STX2: variants seen among roughly 807,000 people sequenced by gnomAD.
The protein encoded by STX2 is syntaxin 2.
Under a neutral mutation model 40.6 loss-of-function variants are expected in STX2, and 27 were observed. That is an observed-to-expected ratio of 0.66 (90% confidence interval 0.49 to 0.92). The LOEUF is 0.92. STX2 is among the 40% of genes least tolerant of loss of function. The pLI is 0.00. For synonymous variants in STX2, 123 were observed against 119.1 expected, an observed-to-expected ratio of 1.03 and a Z score of -0.22; for missense variants, 328 against 366.1, an observed-to-expected ratio of 0.90 and a Z score of 0.85.
intron 1 of STX2, among the ~76,000 whole-genome samples, chr12:130,838,525 T>C (rs1036987868): frequency 7.2e-5 from 11 of 152,150 alleles, no homozygotes; most frequent in Admixed American, 4.6e-4. Context: ...CACCCAGCAC[T>C]CTAAGGTGCC....
chr12:130,810,085 C>T (rs2136279404), intron 4 of STX2, among the ~76,000 whole-genome samples: 1 of 152,126 alleles, frequency 6.6e-6, no homozygotes, highest in Non-Finnish European at 1.5e-5. Context: ...TACCTATAGA[C>T]AAAAAGAATG....
At chr12:130,832,379 A>G (rs1367496719) in intron 1 of STX2, among the ~76,000 whole-genome samples, 1 of 152,180 alleles carries the variant, frequency 6.6e-6, no homozygotes, top group African/African-American at 2.4e-5. Context: ...CACAGTTACA[A>G]GGCTGCACAT....
chr12:130,823,384 G>A (rs1330370423), intron 2 of STX2, among the ~76,000 whole-genome samples: 3 of 152,182 alleles, frequency 2.0e-5, no homozygotes, highest in African/African-American at 7.2e-5. Flanking sequence ...TAATCCCAGA[G>A]CCTGTGAATA....
intron 3 of STX2, among the ~76,000 whole-genome samples, chr12:130,818,806 G>C (rs1409492457): frequency 1.3e-5 from 2 of 152,166 alleles, no homozygotes; most frequent in African/African-American, 4.8e-5. Context: ...CAGGGTGCAA[G>C]CCAGGCTGAC....
intron 9 of STX2, 53 bp from the exon 10 acceptor site, chr12:130,796,173 C>T: frequency 6.2e-7 from 1 of 1,605,288 alleles, no homozygotes; most frequent in Admixed American, 1.7e-5. Flanking sequence ...TTCATATTGC[C>T]ACATTAAAAG....
rs12228598 is a variant in STX2 at position 130,792,744 on chromosome 12, G to A, written c.*46-767C>T. On this transcript the variant is annotated intron_variant, in intron 10 of 10. Transcript: ENST00000392373. ...GCCTTCCGAAGTGTTGGGATTACAG[G>A]CATGAGCCACTGCACCTGGCCTTAT... Among the ~76,000 whole-genome samples, 20 of 152,322 alleles carry A rather than the reference G, an allele frequency of 1.3e-4. No homozygotes were observed. In the East Asian group the frequency reaches 3.9e-3, roughly 29 times the overall value.
At chr12:130,795,697 G>A (rs1339580719) in intron 10 of STX2, among the ~76,000 whole-genome samples, 2 of 152,142 alleles carry the variant, frequency 1.3e-5, no homozygotes, top group South Asian at 2.1e-4. Context: ...CCATGATCAC[G>A]CCACTGCATT....
intron 1 of STX2, among the ~76,000 whole-genome samples, chr12:130,834,033 G>C (rs531601500): frequency 6.6e-6 from 1 of 152,174 alleles, no homozygotes; most frequent in African/African-American, 2.4e-5. Context: ...CCATCTGTGG[G>C]AACATGCGAG....
chr12:130,806,970 T>A lies in STX2; in HGVS notation c.463+12A>T, dbSNP rs2136268951. ...ACATGATTTTAACAAAGACGGAGTC[T>A]CCATTACTCACTTATCTCCAGCTGG... On this transcript the variant is annotated intron_variant, in intron 6 of 10. Coordinates refer to ENST00000392373, the MANE Select transcript of STX2 (RefSeq NM_194356.4). The A allele has an allele frequency of 6.2e-7, 1 of 1,610,564 alleles. No individual in the cohort carries two copies. The highest frequency in any genetic ancestry group is 2.2e-5 in the East Asian group (1 of 44,848).
intron 3 of STX2, 90 bp from the exon 4 acceptor site, chr12:130,813,121 T>A: frequency 1.2e-6 from 1 of 808,800 alleles, no homozygotes; most frequent in Non-Finnish European, 1.8e-6. Flanking sequence ...AGTGAAACAG[T>A]ATCCTTAGTA....
chr12:130,839,048 G>T (rs1053065601), intron 1 of STX2, 22 bp downstream of exon 1: 1 of 1,243,422 alleles, frequency 8.0e-7, no homozygotes, highest in Non-Finnish European at 1.0e-6. Context: ...GGCCTGAACC[G>T]CTACCCGCGG....
chr12:130,796,118 T>C lies in STX2; in HGVS notation c.789A>G (p.Lys263=). 6.2e-7 allele frequency: 1 copy of C among 1,614,104 alleles called. No individual in the cohort carries two copies. The highest frequency in any genetic ancestry group is 8.5e-7 in the Non-Finnish European group (1 of 1,180,032). Residue 263 remains lysine, a splice_region_variant and synonymous_variant, in exon 10 of 11, where the codon AAA becomes AAG. Transcript: ENST00000392373. ...CTGACACAGCAATAATTATCCACTT[T>C]TTCTGTCAAAGAAAAGCAAGCTGAT... The part of the protein sequence containing the change: ...AIKYQSKARR[K]KWIIIAVSVV...
chr12:130,823,242 G>A (rs1452792829), intron 2 of STX2, among the ~76,000 whole-genome samples: 3 of 152,234 alleles, frequency 2.0e-5, no homozygotes, highest in African/African-American at 7.2e-5. Context: ...GGCCCAGGAA[G>A]TTGAGGCTGT....
At chr12:130,837,757 G>C (rs964835773) in intron 1 of STX2, among the ~76,000 whole-genome samples, 4 of 152,024 alleles carry the variant, frequency 2.6e-5, no homozygotes, top group Admixed American at 6.6e-5. Context: ...CCTACTACAC[G>C]GCACTGAAAG....
At chr12:130,798,825 A>C (rs1951119466) in intron 8 of STX2, among the ~76,000 whole-genome samples, 190 bp from the exon 9 acceptor site, 1 of 152,224 alleles carries the variant, frequency 6.6e-6, no homozygotes, top group Non-Finnish European at 1.5e-5. Context: ...AGCAATCAAA[A>C]CTCAATTTAT....
At chr12:130,794,306 G>A (rs929000722) in intron 10 of STX2, among the ~76,000 whole-genome samples, 2 of 151,244 alleles carry the variant, frequency 1.3e-5, no homozygotes, top group Non-Finnish European at 2.9e-5. Context: ...CAAACATCCT[G>A]CCTAATAAAA....
intron 10 of STX2, among the ~76,000 whole-genome samples, chr12:130,794,801 C>A (rs1389246238): frequency 6.6e-6 from 1 of 152,186 alleles, no homozygotes; most frequent in Non-Finnish European, 1.5e-5. Flanking sequence ...TTTAAAAAGC[C>A]TTGGGTGACT....
chr12:130,795,653 C>T (rs547286714), intron 10 of STX2, among the ~76,000 whole-genome samples: 1 of 152,258 alleles, frequency 6.6e-6, no homozygotes, highest in Admixed American at 6.5e-5. Context: ...GGTAGGAGGA[C>T]AGTTTTAGCC....
intron 3 of STX2, among the ~76,000 whole-genome samples, chr12:130,818,185 A>AAAAAAAAAAATATATATATAT: frequency 1.4e-5 from 1 of 70,584 alleles, no homozygotes; most frequent in South Asian, 3.7e-4. Flanking sequence ...AAAAAAAAAA[A>AAAAAAAAAAATATATATATAT]ATATATATAT....
Sources: allele counts gnomAD v4.1 joint callset (sites outside exome capture counted in the v4.1 genomes callset), GRCh38; gene constraint gnomAD v4.1.1; transcripts MANE v1.5; gene names NCBI Gene and HGNC (gene_info 2026-07-23, HGNC 2026-07-21).